SKAP1: variants seen among roughly 807,000 people sequenced by gnomAD.
SKAP1 encodes src kinase associated phosphoprotein 1.
SKAP1 carries 44 observed loss-of-function variants against 58.5 expected under a neutral mutation model. The observed-to-expected ratio is 0.75, with a 90% CI of 0.59 to 0.97. SKAP1 has a LOEUF of 0.97. Among genes scored for constraint, SKAP1 ranks in the 50% least tolerant of loss-of-function variants. The probability of loss-of-function intolerance (pLI) is 0.00; values close to 1 mark genes in which losing one functional copy is unlikely to be tolerated. For missense variants in SKAP1, 390 were observed against 435.2 expected (o/e 0.90, Z 0.92); for synonymous variants, 127 against 149.7 (o/e 0.85, Z 1.11).
the SKAP1 span, among the ~76,000 whole-genome samples, chr17:48,440,876 G>A: frequency 6.6e-6 from 1 of 152,150 alleles, no homozygotes. Context: ...CTAGAGTTTT[G>A]CACTAAACTG....
intron 4 of SKAP1, among the ~76,000 whole-genome samples, chr17:48,224,514 C>G (rs775753037): frequency 3.2e-4 from 49 of 152,136 alleles, no homozygotes; most frequent in Non-Finnish European, 3.8e-4. Context: ...AGTTGCTCTA[C>G]AACTATTCTT....
intron 4 of SKAP1, among the ~76,000 whole-genome samples, chr17:48,321,621 G>A (rs1412300406): frequency 6.6e-6 from 1 of 151,812 alleles, no homozygotes; most frequent in Non-Finnish European, 1.5e-5. Flanking sequence ...CTTGTGATCC[G>A]CCAGCCTCGG....
intron 3 of SKAP1, among the ~76,000 whole-genome samples, chr17:48,348,346 A>C (rs1374120987): frequency 6.6e-6 from 1 of 151,594 alleles, no homozygotes; most frequent in African/African-American, 2.4e-5. Context: ...GCCTCAAAAA[A>C]AAAAAAAAAG....
chr17:48,349,557 T>C (rs972208779), intron 3 of SKAP1, among the ~76,000 whole-genome samples: 1 of 152,216 alleles, frequency 6.6e-6, no homozygotes, highest in Non-Finnish European at 1.5e-5. Flanking sequence ...CAAGATCTAG[T>C]GGAACTATAT....
intron 4 of SKAP1, among the ~76,000 whole-genome samples, chr17:48,249,694 C>T (rs73324786): frequency 0.089 from 13,467 of 151,732 alleles, 1,199 homozygotes; most frequent in African/African-American, 0.23. Context: ...GGAAGCCCCC[C>T]GCAAAAACCA....
intron 2 of SKAP1, among the ~76,000 whole-genome samples, chr17:48,368,624 C>A (rs560724289): frequency 1.3e-5 from 2 of 152,184 alleles, no homozygotes; most frequent in African/African-American, 4.8e-5. Context: ...AATATCCATA[C>A]TCAATATCAT....
At chr17:48,245,931 T>G (rs1434898490) in intron 4 of SKAP1, among the ~76,000 whole-genome samples, 3 of 152,094 alleles carry the variant, frequency 2.0e-5, no homozygotes, top group African/African-American at 7.2e-5. Context: ...CCCAAGATTG[T>G]GCCACTGTAC....
chr17:48,376,882 C>T (rs746565836), intron 2 of SKAP1, among the ~76,000 whole-genome samples: 1 of 152,082 alleles, frequency 6.6e-6, no homozygotes, highest in Non-Finnish European at 1.5e-5. Flanking sequence ...TTACTGCCTG[C>T]ACATAAGAGT....
Position 48,370,171 on chromosome 17 carries a change from T to C in SKAP1, c.153-6357A>G, listed in dbSNP as rs146932739. ...GTAAAAAACAACGCCATTAAAAAGT[T>C]TGCAAAAAGCATGAACAGACACTTC... On this transcript the variant is annotated intron_variant, in intron 2 of 12. Transcript: ENST00000336915. Among the ~76,000 whole-genome samples the C allele has an allele frequency of 4.8e-3, 725 of 152,230 alleles. 5 individuals carry two copies. Among genetic ancestry groups the C allele is most frequent in the African/African-American group, 0.016 (665 of 41,538 alleles).
chr17:48,244,225 T>C (rs1013510703), intron 4 of SKAP1, among the ~76,000 whole-genome samples: 1 of 152,150 alleles, frequency 6.6e-6, no homozygotes, highest in Admixed American at 6.6e-5. Flanking sequence ...AATGAAGCCT[T>C]TTCTCCAGCT....
At chr17:48,437,135 C>T in the SKAP1 span, among the ~76,000 whole-genome samples, 1 of 152,178 alleles carries the variant, frequency 6.6e-6, no homozygotes, top group African/African-American at 2.4e-5. Flanking sequence ...CCCCTTTGTA[C>T]AGATTGCTTT....
At chr17:48,387,157 A>C (rs1365888246) in intron 2 of SKAP1, among the ~76,000 whole-genome samples, 1 of 152,230 alleles carries the variant, frequency 6.6e-6, no homozygotes, top group Admixed American at 6.5e-5. Context: ...CGCAAAATAA[A>C]GTAGCTGCTG....
chr17:48,327,241 C>T (rs1307041647), intron 4 of SKAP1, among the ~76,000 whole-genome samples: 1 of 152,078 alleles, frequency 6.6e-6, no homozygotes, highest in Non-Finnish European at 1.5e-5. Context: ...AGAAGGGACA[C>T]TAGGATCAAC....
chr17:48,413,563 A>G (rs1404619353), intron 1 of SKAP1, among the ~76,000 whole-genome samples: 1 of 143,644 alleles, frequency 7.0e-6, no homozygotes, highest in Non-Finnish European at 1.5e-5. Flanking sequence ...AATGTAAAAG[A>G]TGATGCCACT....
chr17:48,426,755 A>C (rs1319149027), intron 1 of SKAP1, among the ~76,000 whole-genome samples: 2 of 152,164 alleles, frequency 1.3e-5, no homozygotes, highest in Non-Finnish European at 2.9e-5. Context: ...TTTCTATATG[A>C]GAGCTTGACA....
At chr17:48,303,649 A>G (rs1437597911) in intron 4 of SKAP1, among the ~76,000 whole-genome samples, 2 of 152,196 alleles carry the variant, frequency 1.3e-5, no homozygotes, top group Admixed American at 6.5e-5. Context: ...AGAAAACTAT[A>G]TATGTGCAAA....
intron 1 of SKAP1, among the ~76,000 whole-genome samples, chr17:48,404,090 GAA>G (rs35347144): frequency 6.1e-5 from 7 of 115,032 alleles, no homozygotes; most frequent in African/African-American, 6.5e-5. Flanking sequence ...CTCTGTCTCG[GAA>G]AAAAAAAAAA....
chr17:48,211,445 A>C (rs2064871952), intron 4 of SKAP1, among the ~76,000 whole-genome samples: 1 of 152,184 alleles, frequency 6.6e-6, no homozygotes, highest in Non-Finnish European at 1.5e-5. Context: ...TATGGGATAA[A>C]TTGTTTCAGC....
At chr17:48,265,989 T>TC (rs1393608343) in intron 4 of SKAP1, among the ~76,000 whole-genome samples, 1 of 152,260 alleles carries the variant, frequency 6.6e-6, no homozygotes, top group Non-Finnish European at 1.5e-5. Flanking sequence ...GTTTGATTCC[T>TC]CTCTTGGGAT....
Sources: gnomAD v4.1 joint callset for allele counts (sites outside exome capture counted in the v4.1 genomes callset) on GRCh38, gnomAD v4.1.1 for gene constraint, MANE v1.5 for transcripts, NCBI Gene and HGNC (gene_info 2026-07-23, HGNC 2026-07-21) for gene names.